Variants in ZFHX3 observed in about 807,000 individuals in gnomAD.
ZFHX3 encodes zinc finger homeobox 3, also known as zinc finger homeobox protein 3.
ZFHX3 carries 42 observed loss-of-function variants against 279.1 expected under a neutral mutation model. The observed-to-expected ratio is 0.15, with a 90% confidence interval of 0.12 to 0.19. ZFHX3 has a LOEUF of 0.19. ZFHX3 is among the 10% of genes least tolerant of loss of function. ZFHX3 has a pLI of 1.00. For missense variants in ZFHX3, 4,981 were observed against 4,754.0 expected (o/e 1.05, Z -1.40); for synonymous variants, 2,293 against 1,957.8 (o/e 1.17, Z -4.52).
At chr16:73,557,279 C>T (rs1383020793) in intron 2 of ZFHX3, among the ~76,000 whole-genome samples, 3 of 151,886 alleles carry the variant, frequency 2.0e-5, no homozygotes, top group African/African-American at 4.8e-5. Flanking sequence ...AGGAGAGTAG[C>T]GCTTTGGGAA....
At chr16:73,831,746 G>A (rs1335580498) in intron 1 of ZFHX3, among the ~76,000 whole-genome samples, 2 of 152,194 alleles carry the variant, frequency 1.3e-5, no homozygotes, top group Non-Finnish European at 2.9e-5. Flanking sequence ...GAAGACACAA[G>A]AAGGAACTAA....
intron 2 of ZFHX3, among the ~76,000 whole-genome samples, chr16:73,584,730 T>C (rs904931890): frequency 2.0e-5 from 3 of 152,032 alleles, no homozygotes; most frequent in African/African-American, 7.2e-5. Flanking sequence ...AAAGCAAAAA[T>C]TGACAAATGG....
At chr16:73,798,696 G>A (rs766942485) in intron 1 of ZFHX3, among the ~76,000 whole-genome samples, 16 of 152,136 alleles carry the variant, frequency 1.1e-4, no homozygotes, top group Non-Finnish European at 2.1e-4. Context: ...ACAGAAGGAC[G>A]TCAAGACCAT....
At chr16:72,843,513 T>TAAAAAAAAAA (rs59007764) in intron 4 of ZFHX3, among the ~76,000 whole-genome samples, 1 of 39,446 alleles carries the variant, frequency 2.5e-5, no homozygotes, top group Non-Finnish European at 5.3e-5. Flanking sequence ...AGACTCCGTC[T>TAAAAAAAAAA]AAAAAAAAAA....
intron 1 of ZFHX3, among the ~76,000 whole-genome samples, chr16:73,865,198 C>G (rs559030449): frequency 8.5e-5 from 13 of 152,300 alleles, no homozygotes; most frequent in African/African-American, 3.1e-4. Context: ...TGTTGACCCA[C>G]AGATTTGTGA....
chr16:73,603,145 C>T (rs1452165631), intron 2 of ZFHX3, among the ~76,000 whole-genome samples: 1 of 151,622 alleles, frequency 6.6e-6, no homozygotes, highest in African/African-American at 2.4e-5. Context: ...ATTAGCCGGG[C>T]GCAGTGGCGG....
At chr16:73,167,035 C>A (rs1157352364) in intron 5 of ZFHX3, among the ~76,000 whole-genome samples, 1 of 152,206 alleles carries the variant, frequency 6.6e-6, no homozygotes, top group African/African-American at 2.4e-5. Context: ...CAGTCCCTTG[C>A]CCATTGGAAG....
chr16:73,180,697 C>G (rs1967770837), intron 5 of ZFHX3, among the ~76,000 whole-genome samples: 1 of 151,992 alleles, frequency 6.6e-6, no homozygotes, highest in South Asian at 2.1e-4. Context: ...GAATCTCACT[C>G]TATAGCCCAG....
intron 5 of ZFHX3, among the ~76,000 whole-genome samples, chr16:73,214,734 C>T (rs555480642): frequency 1.3e-5 from 2 of 151,932 alleles, no homozygotes; most frequent in African/African-American, 4.8e-5. Context: ...AACACAAGAG[C>T]CTTTCTTCAA....
chr16:72,916,242 G>A (rs1204578469), intron 3 of ZFHX3, among the ~76,000 whole-genome samples: 1 of 152,110 alleles, frequency 6.6e-6, no homozygotes, highest in Non-Finnish European at 1.5e-5. Flanking sequence ...ACACCGAACT[G>A]GGAGATCAGG....
intron 2 of ZFHX3, among the ~76,000 whole-genome samples, chr16:73,588,917 A>T (rs765915437): frequency 6.6e-6 from 1 of 151,994 alleles, no homozygotes; most frequent in Non-Finnish European, 1.5e-5. Flanking sequence ...GAGGAGAAAC[A>T]TATAGAACAC....
chr16:73,637,124 G>A (rs1035156438), intron 2 of ZFHX3, among the ~76,000 whole-genome samples: 1 of 151,830 alleles, frequency 6.6e-6, no homozygotes, highest in East Asian at 1.9e-4. Context: ...ATAATTTAAT[G>A]TGGCATTTCA....
chr16:73,350,856 G>A (rs1054273618), intron 3 of ZFHX3, among the ~76,000 whole-genome samples: 3 of 152,190 alleles, frequency 2.0e-5, no homozygotes, highest in African/African-American at 4.8e-5. Context: ...CAGCATGTGC[G>A]CAAGGAAGTC....
intron 2 of ZFHX3, among the ~76,000 whole-genome samples, chr16:73,522,058 A>G (rs1372693150): frequency 1.3e-5 from 2 of 152,224 alleles, no homozygotes; most frequent in Non-Finnish European, 2.9e-5. Context: ...TCAGTTATAT[A>G]TGCCTTTACT....
chr16:72,808,714 T>A (rs1324961641), intron 7 of ZFHX3, among the ~76,000 whole-genome samples: 1 of 152,210 alleles, frequency 6.6e-6, no homozygotes, highest in Non-Finnish European at 1.5e-5. Flanking sequence ...AGCCCAGCAG[T>A]GCTTTAGGGA....
At chr16:73,734,664 A>G (rs972684469) in intron 1 of ZFHX3, among the ~76,000 whole-genome samples, 6 of 152,212 alleles carry the variant, frequency 3.9e-5, no homozygotes, top group African/African-American at 1.2e-4. Flanking sequence ...ACAAAGATTC[A>G]TCAATTAAAT....
rs541102940 is a variant in ZFHX3, at chr16:73,004,958, C to G, written c.-50+42794G>C. On this transcript the variant is annotated intron_variant, in intron 1 of 9. Coordinates refer to ENST00000268489, the MANE Select transcript of ZFHX3 (RefSeq NM_006885.4). ...AAATGGCTCTAACCTAATTTTTCCG[C>G]CATTTGGCTATCTAACTGTCCTACA... Among the ~76,000 whole-genome samples, 8 of 152,292 alleles carry G rather than the reference C, an allele frequency of 5.3e-5. No individual in the cohort carries two copies. The East Asian group carries it at 1.5e-3, about 29-fold the overall frequency.
At position 72,795,658 on chromosome 16, in the gene ZFHX3, C is replaced by T; in HGVS notation, c.7024G>A (p.Asp2342Asn). 1 of 1,613,976 alleles carries T rather than the reference C, an allele frequency of 6.2e-7. No homozygotes were observed. Among genetic ancestry groups the T allele is most frequent in the Non-Finnish European group, 8.5e-7 (1 of 1,179,956 alleles). ...AGCTTCTTCTGGTGCTTGATGAGAT[C>T]AAAGATGCGCTGAAACACCAGGCTA... ...KCSLVFQRIFDLIKHQKKLCY... is the reference protein window; with the variant it reads ...KCSLVFQRIFNLIKHQKKLCY... Residue 2342 changes from aspartate (D) to asparagine (N), a missense_variant, in exon 9 of 10, where the codon GAT becomes AAT. Asp to Asn is a conservative substitution (Grantham distance 23). Coordinates refer to ENST00000268489, the MANE Select transcript of ZFHX3 (RefSeq NM_006885.4).
chr16:73,817,256 C>G (rs1597129182), intron 1 of ZFHX3, among the ~76,000 whole-genome samples: 1 of 152,194 alleles, frequency 6.6e-6, no homozygotes. Flanking sequence ...TTCTAAGGAA[C>G]AGGGCCAGTG....
Sources: gnomAD v4.1 joint callset for allele counts (sites outside exome capture counted in the v4.1 genomes callset) on GRCh38, gnomAD v4.1.1 for gene constraint, MANE v1.5 for transcripts, NCBI Gene and HGNC (gene_info 2026-07-23, HGNC 2026-07-21) for gene names.